ZMPSTE24: variants seen among roughly 807,000 people sequenced by gnomAD.
ZMPSTE24 encodes CAAX prenyl protease 1 homolog.
In ZMPSTE24, 48 loss-of-function variants were observed where a neutral mutation model predicts 56.7. The observed-to-expected ratio is 0.85, with a 90% confidence interval of 0.67 to 1.08. The LOEUF is 1.08. Among genes scored for constraint, ZMPSTE24 ranks in the 50% least tolerant of loss-of-function variants. The probability of loss-of-function intolerance (pLI) is 0.00; values close to 1 mark genes in which losing one functional copy is unlikely to be tolerated. For synonymous variants in ZMPSTE24, 172 were observed against 195.2 expected (o/e 0.88, Z 0.99); for missense variants, 503 against 548.7 (o/e 0.92, Z 0.83).
intron 9 of ZMPSTE24, 72 bp from the exon 10 acceptor site, chr1:40,292,373 C>G (rs1569671292): frequency 2.7e-6 from 4 of 1,455,306 alleles, no homozygotes; most frequent in East Asian, 4.5e-5. Context: ...TCTCTACAGT[C>G]TCAGCTCATG....
intron 7 of ZMPSTE24, 138 bp downstream of exon 7, chr1:40,281,665 G>A: frequency 1.1e-6 from 1 of 892,382 alleles, no homozygotes; most frequent in Non-Finnish European, 1.8e-6. Flanking sequence ...CTCCTTTATA[G>A]TTCTGGTATT....
At chr1:40,268,626 A>G (rs1643580935) in intron 4 of ZMPSTE24, 91 bp downstream of exon 4, 3 of 861,070 alleles carry the variant, frequency 3.5e-6, no homozygotes, top group Admixed American at 2.5e-5. Flanking sequence ...ATAATTTACT[A>G]TTTCAGAGTA....
At chr1:40,263,728 G>A (rs953186017) in intron 2 of ZMPSTE24, among the ~76,000 whole-genome samples, 1 of 144,924 alleles carries the variant, frequency 6.9e-6, no homozygotes, top group Non-Finnish European at 1.5e-5. Context: ...GATTAGCTTC[G>A]ACTTTTTTTT....
chr1:40,283,819 G>T (rs1250203078), intron 7 of ZMPSTE24, among the ~76,000 whole-genome samples: 1 of 151,836 alleles, frequency 6.6e-6, no homozygotes, highest in African/African-American at 2.4e-5. Context: ...TCGAGTGCTG[G>T]ATTTGTTATA....
intron 2 of ZMPSTE24, among the ~76,000 whole-genome samples, chr1:40,267,172 A>G (rs1165890758): frequency 6.6e-6 from 1 of 151,984 alleles, no homozygotes; most frequent in Non-Finnish European, 1.5e-5. Context: ...TTCATGTACC[A>G]TACAATTCAT....
At chr1:40,270,219 C>T (rs546030289) in intron 5 of ZMPSTE24, 92 bp downstream of exon 5, 2 of 1,428,934 alleles carry the variant, frequency 1.4e-6, no homozygotes, top group African/African-American at 2.8e-5. Flanking sequence ...TCTTAAGAAG[C>T]AGCTGAAATA....
At chr1:40,261,899 C>T (rs546097828) in intron 2 of ZMPSTE24, among the ~76,000 whole-genome samples, 8 of 152,094 alleles carry the variant, frequency 5.3e-5, no homozygotes, top group East Asian at 1.9e-4. Flanking sequence ...TTAGTAGAGA[C>T]GGGGTTTCAC....
intron 2 of ZMPSTE24, among the ~76,000 whole-genome samples, chr1:40,265,928 G>A (rs1260123854): frequency 6.6e-6 from 1 of 152,076 alleles, no homozygotes; most frequent in Non-Finnish European, 1.5e-5. Context: ...TCTAAAAGAT[G>A]GATAGTTTAA....
intron 1 of ZMPSTE24, 109 bp downstream of exon 1, chr1:40,258,503 C>T: frequency 6.3e-7 from 1 of 1,575,198 alleles, no homozygotes; most frequent in South Asian, 1.1e-5. Flanking sequence ...CCAGTCTCGT[C>T]TTTGTGGTCC....
At chr1:40,277,374 C>T (rs1643680395) in intron 6 of ZMPSTE24, among the ~76,000 whole-genome samples, 1 of 152,124 alleles carries the variant, frequency 6.6e-6, no homozygotes, top group Admixed American at 6.6e-5. Context: ...GCATGAGCCA[C>T]CGCACCCTGC....
chr1:40,260,746 A>G lies in ZMPSTE24; in HGVS notation c.124-93A>G, dbSNP rs1017956119. 3 of 1,322,470 alleles carry G rather than the reference A, an allele frequency of 2.3e-6. No homozygotes were observed. In the African/African-American group the frequency reaches 4.4e-5, roughly 19 times the overall value. 81.9% of individuals were successfully genotyped at this position (1,322,470 alleles called of 1,614,324 possible). On this transcript the variant is annotated intron_variant, in intron 1 of 9. Transcript: ENST00000372759. ...GTATAAAGCAAATTCAACAGATATA[A>G]GTGGCAAGCTATAAACCATTCGATG...
intron 7 of ZMPSTE24, among the ~76,000 whole-genome samples, chr1:40,284,910 A>G (rs1471257759): frequency 6.9e-6 from 1 of 144,854 alleles, no homozygotes; most frequent in Non-Finnish European, 1.5e-5. Flanking sequence ...TCATTTTCCA[A>G]TGTCAAAACA....
intron 1 of ZMPSTE24, 34 bp downstream of exon 1, chr1:40,258,428 A>G (rs1309553247): frequency 6.2e-7 from 1 of 1,613,412 alleles, no homozygotes. Flanking sequence ...TGACCCCCAT[A>G]CCCGGCCAGC....
chr1:40,264,745 T>G (rs1445813531), intron 2 of ZMPSTE24, among the ~76,000 whole-genome samples: 1 of 151,062 alleles, frequency 6.6e-6, no homozygotes, highest in Non-Finnish European at 1.5e-5. Context: ...CTGAGTGTGG[T>G]GATGTGCACC....
At chr1:40,265,025 C>T (rs1048154949) in intron 2 of ZMPSTE24, among the ~76,000 whole-genome samples, 3 of 151,968 alleles carry the variant, frequency 2.0e-5, no homozygotes, top group African/African-American at 7.3e-5. Flanking sequence ...TTGTACAGTT[C>T]ACCATGCTTT....
intron 2 of ZMPSTE24, among the ~76,000 whole-genome samples, chr1:40,265,725 A>G (rs1206421766): frequency 1.3e-5 from 2 of 152,148 alleles, no homozygotes; most frequent in East Asian, 1.9e-4. Context: ...TATTAAAGCA[A>G]TGATTTTCAA....
rs1643858412 is a variant in ZMPSTE24, at chr1:40,292,900, A to G, written c.*231A>G. The G allele has an allele frequency of 2.3e-6, 1 of 427,242 alleles. No homozygotes were observed. Among genetic ancestry groups the G allele is most frequent in the African/African-American group, 2.0e-5 (1 of 49,542 alleles). The allele number at this position is 427,242 out of a possible 1,614,324, so 26.5% of individuals were successfully genotyped here. Reference sequence around the variant, plus strand: ...TTAAAGGCATAGTTTTATCTTTGACATCTAATTTACCATCAAGTTGTAAAA... The same window carrying G: ...TTAAAGGCATAGTTTTATCTTTGACGTCTAATTTACCATCAAGTTGTAAAA... On this transcript the variant is annotated 3_prime_UTR_variant, in exon 10 of 10. Coordinates refer to ENST00000372759, the MANE Select transcript of ZMPSTE24 (RefSeq NM_005857.5).
intron 4 of ZMPSTE24, among the ~76,000 whole-genome samples, 178 bp downstream of exon 4, chr1:40,268,713 C>T (rs1456802502): frequency 6.6e-6 from 1 of 152,018 alleles, no homozygotes; most frequent in Non-Finnish European, 1.5e-5. Context: ...TGGCTCTGGC[C>T]AGTTGCCCTG....
intron 5 of ZMPSTE24, among the ~76,000 whole-genome samples, chr1:40,270,776 T>C (rs1244093657): frequency 4.6e-5 from 7 of 152,092 alleles, no homozygotes; most frequent in African/African-American, 1.7e-4. Context: ...CTCTTCTCTT[T>C]CCATACTCTC....
Sources: allele counts gnomAD v4.1 joint callset (sites outside exome capture counted in the v4.1 genomes callset), GRCh38; gene constraint gnomAD v4.1.1; transcripts MANE v1.5; gene names NCBI Gene and HGNC (gene_info 2026-07-23, HGNC 2026-07-21).